Variants in KIF26A observed in about 807,000 individuals in gnomAD.
The protein encoded by KIF26A is kinesin-like protein KIF26A.
KIF26A carries 74 observed loss-of-function variants against 126.0 expected under a neutral mutation model. That is an observed-to-expected ratio of 0.59 (90% confidence interval 0.49 to 0.71). The LOEUF (loss-of-function observed/expected upper bound fraction) is 0.71, where lower values mean the gene tolerates loss of function less well. KIF26A is among the 30% of genes least tolerant of loss of function. The pLI, the probability that KIF26A is intolerant of heterozygous loss-of-function variation, is 0.00. For missense variants in KIF26A, 2,984 were observed against 2,763.3 expected, an observed-to-expected ratio of 1.08 and a Z score of -1.79; for synonymous variants, 1,445 against 1,232.7, an observed-to-expected ratio of 1.17 and a Z score of -3.61.
rs1327840347 is a variant in KIF26A at position 104,151,671 on chromosome 14, G to A, written c.289-344G>A. Among the ~76,000 whole-genome samples, 2 of 152,166 alleles carry A rather than the reference G, an allele frequency of 1.3e-5. No homozygotes were observed. The highest frequency in any genetic ancestry group is 2.9e-5 in the Non-Finnish European group (2 of 68,026). On this transcript the variant is annotated intron_variant, in intron 2 of 14. Coordinates refer to ENST00000423312, the MANE Select transcript of KIF26A (RefSeq NM_015656.2). This position sits in a 1 kb window ranked among gnomAD's most constrained non-coding sequence, Gnocchi z 4.9. ...TTGCTTTTAAGGGGCCCTGCTTCTT[G>A]CCAGTCTCCTGCGTGTCCCCGGCCA...
chr14:104,150,262 CCTCAGCGAAT>C (rs1308501326), intron 2 of KIF26A, among the ~76,000 whole-genome samples: 1 of 147,806 alleles, frequency 6.8e-6, no homozygotes, highest in African/African-American at 2.5e-5. Context: ...TTGTGGCTGA[CCTCAGCGAAT>C]CTCCGAAGCA....
At chr14:104,174,462 C>T (rs2037994889) in intron 11 of KIF26A, among the ~76,000 whole-genome samples, 152 bp downstream of exon 11, 2 of 152,170 alleles carry the variant, frequency 1.3e-5, no homozygotes, top group Non-Finnish European at 2.9e-5. Flanking sequence ...AGGCTATGCC[C>T]ATGTGGCCCT....
chr14:104,140,045 A>C (rs1279755389), intron 2 of KIF26A, among the ~76,000 whole-genome samples: 2 of 151,458 alleles, frequency 1.3e-5, no homozygotes, highest in African/African-American at 4.9e-5. Flanking sequence ...CTCCAGAGGA[A>C]GCCCGCTGCC....
chr14:104,169,005 C>T (rs1051766139), intron 5 of KIF26A, among the ~76,000 whole-genome samples: 2 of 152,226 alleles, frequency 1.3e-5, no homozygotes, highest in African/African-American at 4.8e-5. Flanking sequence ...GGCTGTTTCT[C>T]CACAGTCCCC....
At position 104,139,278 on chromosome 14, in the gene KIF26A, C is replaced by A; in HGVS notation, c.278C>A (p.Thr93Asn). 1 of 1,514,154 alleles carries A rather than the reference C, an allele frequency of 6.6e-7. No homozygotes were observed. Among genetic ancestry groups the A allele is most frequent in the Admixed American group, 2.2e-5 (1 of 45,010 alleles). 93.8% of individuals were successfully genotyped at this position (1,514,154 alleles called of 1,614,324 possible). A position where few individuals can be genotyped will look rare whatever the true frequency, so the allele number is the denominator to read the frequency against. The change falls in exon 2 of 15, where the codon ACC becomes AAC. Residue 93 changes from threonine (T) to asparagine (N), a missense_variant. By Grantham distance (65) the Thr-to-Asn change is moderately conservative. Coordinates refer to ENST00000423312, the MANE Select transcript of KIF26A (RefSeq NM_015656.2). ...TGGAAGCTGGTCAGCGGGCCCGGGACCACCCTCCGGGTAAGTGACACTTCC... is the reference window on the plus strand; with the variant it reads ...TGGAAGCTGGTCAGCGGGCCCGGGAACACCCTCCGGGTAAGTGACACTTCC... ...QAWKLVSGPG[T>N]TLRDPCLSAL...
chr14:104,177,017 ACT>A lies in KIF26A; in HGVS notation c.4232_4233del (p.Ser1411CysfsTer70). On this transcript the variant is annotated frameshift_variant, in exon 12 of 15. Transcript: ENST00000423312. LOFTEE classifies it high-confidence loss of function. ...CCCAGACCCAGCAGCCGGGCTGACC[ACT>A]CTGTCCCCAGGGCCACGTCCAGCCT... 6.4e-7 allele frequency: 1 copy of A among 1,561,456 alleles called. No homozygotes were observed. The highest frequency in any genetic ancestry group is 8.6e-7 in the Non-Finnish European group (1 of 1,161,760).
chr14:104,178,713 C>A lies in KIF26A; in HGVS notation c.5274C>A (p.Arg1758=). The change falls in exon 13 of 15, where the codon CGC becomes CGA. Residue 1758 remains arginine (R), a synonymous_variant. Coordinates refer to ENST00000423312, the MANE Select transcript of KIF26A (RefSeq NM_015656.2). ...IKVYEIDDVE[R]LQRPRPTPRE... is the part of the protein sequence containing the mutation. ...TGTACGAGATCGATGACGTGGAGCG[C>A]CTTCAGCGGCCCCGCCCCACCCCGA... 6.4e-7 allele frequency: 1 copy of A among 1,558,834 alleles called. No homozygotes were observed.
intron 13 of KIF26A, among the ~76,000 whole-genome samples, chr14:104,179,018 T>C (rs1486006211): frequency 2.0e-5 from 3 of 152,048 alleles, no homozygotes; most frequent in Admixed American, 1.3e-4. Flanking sequence ...TCCGCTGGAA[T>C]TCTCCCCTGT....
Position 104,139,134 on chromosome 14 carries a change from G to T in KIF26A, c.134G>T (p.Cys45Phe). The change falls in exon 2 of 15, where the codon TGC (cysteine) becomes TTC (phenylalanine). Residue 45 changes from cysteine to phenylalanine, a missense_variant. Cys to Phe is a radical substitution (Grantham distance 205, BLOSUM62 -2). Transcript: ENST00000423312. ...CCCGCCGGGCCCGACCAGGACCCAT[G>T]CGGCAGCCGCCCTGCTCCCGAAGGC... ...RLPAGPDQDP[C>F]GSRPAPEGAG... The T allele has an allele frequency of 6.6e-7, 1 of 1,510,788 alleles. No homozygotes were observed. The highest frequency in any genetic ancestry group is 8.8e-7 in the Non-Finnish European group (1 of 1,130,112). The allele number at this position is 1,510,788 out of a possible 1,614,324, so 93.6% of individuals were successfully genotyped here. A position where few individuals can be genotyped will look rare whatever the true frequency, so the allele number is the denominator to read the frequency against.
intron 4 of KIF26A, among the ~76,000 whole-genome samples, chr14:104,163,704 C>T (rs1475353492): frequency 2.6e-5 from 4 of 151,640 alleles, no homozygotes; most frequent in Non-Finnish European, 5.9e-5. Flanking sequence ...CGAGCATGCG[C>T]GGCACGGGGC....
rs1193481223 is a variant in KIF26A at position 104,177,267 on chromosome 14, C to T, written c.4479C>T (p.Pro1493=). The change falls in exon 12 of 15, where the codon CCC becomes CCT. Residue 1493 remains proline, a synonymous_variant. Coordinates refer to ENST00000423312, the MANE Select transcript of KIF26A (RefSeq NM_015656.2). Reference sequence around the variant, plus strand: ...CCAAGGCTGTGGGGGCCCCCAAGCCCCCTGTTGGTGGAGGCAAGGGCCGTG... The same window carrying T: ...CCAAGGCTGTGGGGGCCCCCAAGCCTCCTGTTGGTGGAGGCAAGGGCCGTG... ...GAAKAVGAPK[P]PVGGGKGRGL... The T allele has an allele frequency of 1.9e-6, 3 of 1,594,558 alleles. No individual in the cohort carries two copies. Among genetic ancestry groups the T allele is most frequent in the Non-Finnish European group, 2.6e-6 (3 of 1,173,882 alleles).
At chr14:104,177,932 A>T (rs1339978385) in intron 12 of KIF26A, 34 bp downstream of exon 12, 1 of 1,465,944 alleles carries the variant, frequency 6.8e-7, no homozygotes, top group South Asian at 1.4e-5. Context: ...TCTACAGTTT[A>T]CGGGCTTTCT....
intron 5 of KIF26A, among the ~76,000 whole-genome samples, chr14:104,168,321 C>A (rs1258576797): frequency 6.6e-6 from 1 of 152,202 alleles, no homozygotes; most frequent in Non-Finnish European, 1.5e-5. Flanking sequence ...ATGTAGCGAG[C>A]ATTGTACTTG....
chr14:104,139,305 T>A lies in KIF26A; in HGVS notation c.288+17T>A. 4.8e-6 allele frequency: 7 copies of A among 1,466,892 alleles called. No individual in the cohort carries two copies. Among genetic ancestry groups the A allele is most frequent in the Non-Finnish European group, 6.3e-6 (7 of 1,104,524 alleles). 90.9% of individuals were successfully genotyped at this position (1,466,892 alleles called of 1,614,324 possible). On this transcript the variant is annotated intron_variant, in intron 2 of 14. Transcript: ENST00000423312. The stretch of plus-strand genomic sequence containing the variant: ...ACCCTCCGGGTAAGTGACACTTCCT[T>A]AGGCCGACCCCTCCGAGCAGGGCCA...
intron 2 of KIF26A, 100 bp downstream of exon 2, chr14:104,139,388 GCT>G: frequency 7.7e-7 from 1 of 1,296,634 alleles, no homozygotes; most frequent in Non-Finnish European, 1.0e-6. Context: ...CTCCTTCCCT[GCT>G]GCTGTTTCCA....
chr14:104,150,366 C>T (rs2037717992), intron 2 of KIF26A, among the ~76,000 whole-genome samples: 1 of 151,928 alleles, frequency 6.6e-6, no homozygotes, highest in Admixed American at 6.6e-5. Flanking sequence ...GGAGGAAATC[C>T]AGGCCTCTGG....
At chr14:104,167,166 G>A (rs2037914729) in intron 5 of KIF26A, 118 bp downstream of exon 5, 1 of 1,128,286 alleles carries the variant, frequency 8.9e-7, no homozygotes, top group Non-Finnish European at 1.2e-6. Context: ...GGATAAGGGT[G>A]GTCAGTGGGG....
chr14:104,169,688 C>T (rs1387827957), intron 5 of KIF26A, among the ~76,000 whole-genome samples: 1 of 152,238 alleles, frequency 6.6e-6, no homozygotes, highest in East Asian at 1.9e-4. Flanking sequence ...TAATTCATCA[C>T]AGTGTGGTAT....
intron 5 of KIF26A, among the ~76,000 whole-genome samples, chr14:104,168,842 C>T (rs2037931034): frequency 6.6e-6 from 1 of 152,132 alleles, no homozygotes; most frequent in African/African-American, 2.4e-5. Context: ...TGGGGCAAGG[C>T]CCCTGCCTGG....
Sources: allele counts gnomAD v4.1 joint callset (sites outside exome capture counted in the v4.1 genomes callset), GRCh38; gene constraint gnomAD v4.1.1; non-coding constraint Gnocchi (gnomAD v3.1); transcripts MANE v1.5; gene names NCBI Gene and HGNC (gene_info 2026-07-23, HGNC 2026-07-21).